Variants in PCDHGA10 observed in about 807,000 individuals in gnomAD.
The protein encoded by PCDHGA10 is protocadherin gamma subfamily A, 10, also known as protocadherin gamma-A10.
A neutral mutation model predicts 59.5 loss-of-function variants in PCDHGA10; 42 were observed. That is an observed-to-expected ratio of 0.71 (90% confidence interval 0.55 to 0.91). PCDHGA10 has a LOEUF of 0.91. Ranked by LOEUF, PCDHGA10 falls within the 40% of genes least tolerant of loss-of-function variation. The pLI is 0.00. For missense variants in PCDHGA10, 1,111 were observed against 1,198.2 expected, an observed-to-expected ratio of 0.93 and a Z score of 1.07; for synonymous variants, 511 against 517.2, an observed-to-expected ratio of 0.99 and a Z score of 0.16.
rs553126235 is a variant in PCDHGA10 at position 141,473,346 on chromosome 5, G to A, written c.2437-21461G>A. Reference sequence around the variant, plus strand: ...AAGTGCCTGCTGTGCTAGACAGTGAGGATGCAAGTGGCCACCAAAATAGCA... The same window carrying A: ...AAGTGCCTGCTGTGCTAGACAGTGAAGATGCAAGTGGCCACCAAAATAGCA... On this transcript the variant is annotated intron_variant, in intron 1 of 3. Transcript: ENST00000398610. Among the ~76,000 whole-genome samples, 9 of 152,310 alleles carry A rather than the reference G, an allele frequency of 5.9e-5. No individual in the cohort carries two copies. The East Asian group carries it at 1.5e-3, about 26-fold the overall frequency.
intron 1 of PCDHGA10, among the ~76,000 whole-genome samples, chr5:141,472,280 A>G (rs988007394): frequency 6.6e-6 from 1 of 152,276 alleles, no homozygotes; most frequent in African/African-American, 2.4e-5. Context: ...AGTGGCTCAC[A>G]CCTGTAATCC....
chr5:141,490,566 C>T lies in PCDHGA10; in HGVS notation c.2437-4241C>T. 3 of 1,614,132 alleles carry T rather than the reference C, an allele frequency of 1.9e-6. No homozygotes were observed. Among genetic ancestry groups the T allele is most frequent in the Non-Finnish European group, 2.5e-6 (3 of 1,180,028 alleles). On this transcript the variant is annotated intron_variant, in intron 1 of 3. Transcript: ENST00000398610. This position sits in a 1 kb window ranked among gnomAD's most constrained non-coding sequence, Gnocchi z 5.4. ...TACACAAACATCTCACCATCAGGCT[C>T]AACATTTCAGATGTCAATGACAATG...
intron 1 of PCDHGA10, among the ~76,000 whole-genome samples, chr5:141,452,760 G>A (rs920853226): frequency 3.3e-5 from 5 of 152,120 alleles, no homozygotes; most frequent in Non-Finnish European, 7.4e-5. Context: ...AAGGAAGGGA[G>A]GGAGGGAAAA....
rs1226558966 is a variant in PCDHGA10, at chr5:141,432,589, G to C, written c.2436+16978G>C. The C allele has an allele frequency of 6.2e-7, 1 of 1,613,916 alleles. No homozygotes were observed. The highest frequency in any genetic ancestry group is 8.5e-7 in the Non-Finnish European group (1 of 1,179,974). The stretch of plus-strand genomic sequence containing the variant: ...CCTGGCTGTCCTACCGTCTGCTCAA[G>C]GCCAGCGAGCCGGGACTCTTCTCGG... On this transcript the variant is annotated intron_variant, in intron 1 of 3. Coordinates refer to ENST00000398610, the MANE Select transcript of PCDHGA10 (RefSeq NM_018913.3). The surrounding 1 kb of genome is among the most constrained non-coding windows in gnomAD (Gnocchi z 6.0).
At chr5:141,466,515 TTTTCCTCCCAAATTGA>T (rs2099124043) in intron 1 of PCDHGA10, among the ~76,000 whole-genome samples, 1 of 152,232 alleles carries the variant, frequency 6.6e-6, no homozygotes, top group Admixed American at 6.5e-5. Context: ...AGATCATTTT[TTTTCCTCCCAAATTGA>T]TGTAGATGGT....
In PCDHGA10 at chr5:141,445,037, GT is replaced by G. The variant is rs2098454887; in HGVS notation, c.2436+29430del. 5.3e-5 allele frequency among the ~76,000 whole-genome samples: 8 copies of G among 152,072 alleles called. No homozygotes were observed. In the South Asian group the frequency reaches 1.7e-3, roughly 32 times the overall value. On this transcript the variant is annotated intron_variant, in intron 1 of 3. Transcript: ENST00000398610. ...TAATTTCTCTCAGCTATGTTGTATAGTTTTCAGTGTAGAGAGGTCATGTATA... is the reference window on the plus strand; with the variant it reads ...TAATTTCTCTCAGCTATGTTGTATAGTTTCAGTGTAGAGAGGTCATGTATA...
intron 1 of PCDHGA10, chr5:141,442,112 C>CTCG (rs2098300474): frequency 6.0e-6 from 1 of 166,158 alleles, no homozygotes; most frequent in Admixed American, 6.5e-5. Context: ...ACTACCGCCC[C>CTCG]TCGTCGCCGA....
At position 141,494,841 on chromosome 5, in the gene PCDHGA10, A is replaced by G. The variant is rs1163193977; in HGVS notation, c.2471A>G (p.Gln824Arg). ...APPNTDWRFS[Q>R]AQRPGTSGSQ... ...CCCAACACGGACTGGCGTTTCTCTC[A>G]GGCCCAGAGACCCGGCACCAGCGGG... The change falls in exon 2 of 4, where the codon CAG (glutamine) becomes CGG (arginine). Residue 824 changes from glutamine to arginine, a missense_variant. Gln to Arg is a conservative substitution (Grantham distance 43). Coordinates refer to ENST00000398610, the MANE Select transcript of PCDHGA10 (RefSeq NM_018913.3). 1 of 1,613,996 alleles carries G rather than the reference A, an allele frequency of 6.2e-7. No homozygotes were observed. The highest frequency in any genetic ancestry group is 1.1e-5 in the South Asian group (1 of 91,074).
At position 141,413,386 on chromosome 5, in the gene PCDHGA10, G is replaced by A. The variant is rs757396075; in HGVS notation, c.211G>A (p.Val71Ile). 6 of 1,613,884 alleles carry A rather than the reference G, an allele frequency of 3.7e-6. No homozygotes were observed. Among genetic ancestry groups the A allele is most frequent in the African/African-American group, 1.3e-5 (1 of 74,948 alleles). ...RELAERGVRI[V>I]SRGRTQLFSL... ...GCTGGCGGAGCGCGGAGTCCGCATA[G>A]TCTCCAGAGGTAGGACGCAGCTTTT... Residue 71 changes from valine (V) to isoleucine (I), a missense_variant, in exon 1 of 4, where the codon GTC (valine) becomes ATC (isoleucine). Coordinates refer to ENST00000398610, the MANE Select transcript of PCDHGA10 (RefSeq NM_018913.3).
intron 1 of PCDHGA10, among the ~76,000 whole-genome samples, chr5:141,437,431 A>G (rs1282194918): frequency 6.6e-6 from 1 of 152,234 alleles, no homozygotes; most frequent in African/African-American, 2.4e-5. Flanking sequence ...TGAAGCAGCA[A>G]TAGCATAGGA....
At chr5:141,470,736 C>A (rs541510544) in intron 1 of PCDHGA10, among the ~76,000 whole-genome samples, 1 of 152,092 alleles carries the variant, frequency 6.6e-6, no homozygotes, top group Non-Finnish European at 1.5e-5. Context: ...CTTGCTCTGT[C>A]GCCCTGGCTG....
At position 141,511,319 on chromosome 5, in the gene PCDHGA10, C is replaced by T. The variant is rs2099883711; in HGVS notation, c.*146C>T. On this transcript the variant is annotated 3_prime_UTR_variant, in exon 4 of 4. Coordinates refer to ENST00000398610, the MANE Select transcript of PCDHGA10 (RefSeq NM_018913.3). ...CCATGCTCCCCTTGGGAAACAGAAA[C>T]AAGTGCCCAGTCAGCACCTACCCCT... 1.4e-6 allele frequency: 2 copies of T among 1,477,302 alleles called. No homozygotes were observed. The highest frequency in any genetic ancestry group is 1.4e-5 in the African/African-American group (1 of 70,920). 91.5% of individuals were successfully genotyped at this position (1,477,302 alleles called of 1,614,324 possible).
chr5:141,488,437 C>A (rs1327345486), intron 1 of PCDHGA10, among the ~76,000 whole-genome samples: 2 of 152,210 alleles, frequency 1.3e-5, no homozygotes, highest in Non-Finnish European at 2.9e-5. Context: ...CCTCTGACCA[C>A]CCTCCTGGGT....
chr5:141,465,979 G>A (rs779605313), intron 1 of PCDHGA10, among the ~76,000 whole-genome samples: 9 of 151,846 alleles, frequency 5.9e-5, no homozygotes, highest in Non-Finnish European at 1.3e-4. Flanking sequence ...AAAATTAGCC[G>A]GGCATGGTGG....
At chr5:141,461,422 C>A (rs2099015157) in intron 1 of PCDHGA10, among the ~76,000 whole-genome samples, 1 of 151,930 alleles carries the variant, frequency 6.6e-6, no homozygotes, top group African/African-American at 2.4e-5. Flanking sequence ...TGTTTGTGGG[C>A]CATTTGTATA....
rs201857404 is a variant in PCDHGA10, at chr5:141,485,844, G to C, written c.2437-8963G>C. The C allele has an allele frequency of 1.1e-5, 18 of 1,613,772 alleles. No homozygotes were observed. The highest frequency in any genetic ancestry group is 1.4e-5 in the Non-Finnish European group (16 of 1,179,956). ...GATGGAGGGAACCCGCCGAGATCTG[G>C]CACCGCAGAGCTCCGGGTATCCGTG... is the stretch of plus-strand genomic sequence containing the variant. On this transcript the variant is annotated intron_variant, in intron 1 of 3. Transcript: ENST00000398610. This position sits in a 1 kb window ranked among gnomAD's most constrained non-coding sequence, Gnocchi z 5.7.
Position 141,447,676 on chromosome 5 carries a change from C to T in PCDHGA10, c.2436+32065C>T, listed in dbSNP as rs1466767844. Among the ~76,000 whole-genome samples the T allele has an allele frequency of 2.6e-5, 4 of 152,104 alleles. No individual in the cohort carries two copies. The East Asian group carries it at 7.7e-4, about 29-fold the overall frequency. On this transcript the variant is annotated intron_variant, in intron 1 of 3. Coordinates refer to ENST00000398610, the MANE Select transcript of PCDHGA10 (RefSeq NM_018913.3). The stretch of plus-strand genomic sequence containing the variant: ...CCCCCCCAGGAAGTTAGAACTGTTC[C>T]ATATCTTGATAGAGGGATGGGTTAT...
intron 1 of PCDHGA10, chr5:141,478,354 C>G (rs141625672): frequency 2.8e-5 from 45 of 1,613,660 alleles, no homozygotes; most frequent in Non-Finnish European, 3.2e-5. Flanking sequence ...ACGCGGACGC[C>G]GTGCGGGGAG....
At position 141,477,687 on chromosome 5, in the gene PCDHGA10, C is replaced by A. The variant is rs1206813120; in HGVS notation, c.2437-17120C>A. The A allele has an allele frequency of 5.6e-6, 9 of 1,614,022 alleles. No homozygotes were observed. The highest frequency in any genetic ancestry group is 7.6e-6 in the Non-Finnish European group (9 of 1,180,040). ...AATGGCATAGTGTCATCCTTAGTGC[C>A]CCTAGACTATGAGGATCGGCGGGAA... On this transcript the variant is annotated intron_variant, in intron 1 of 3. Coordinates refer to ENST00000398610, the MANE Select transcript of PCDHGA10 (RefSeq NM_018913.3). This position sits in a 1 kb window ranked among gnomAD's most constrained non-coding sequence, Gnocchi z 4.9.
Sources: gnomAD v4.1 joint callset for allele counts (sites outside exome capture counted in the v4.1 genomes callset) on GRCh38, gnomAD v4.1.1 for gene constraint, Gnocchi (gnomAD v3.1) non-coding constraint, MANE v1.5 for transcripts, NCBI Gene and HGNC (gene_info 2026-07-23, HGNC 2026-07-21) for gene names.